SYMPK: variants seen among roughly 807,000 people sequenced by gnomAD.
SYMPK encodes the protein symplekin scaffold protein, also known as symplekin.
Under a neutral mutation model 136.4 loss-of-function variants are expected in SYMPK, and 49 were observed. The observed-to-expected ratio is 0.36, with a 90% CI of 0.29 to 0.46. The LOEUF is 0.46. Among genes scored for constraint, SYMPK ranks in the 20% least tolerant of loss-of-function variants. SYMPK has a pLI of 1.00. For missense variants in SYMPK, 1,365 were observed against 1,690.0 expected, an observed-to-expected ratio of 0.81 and a Z score of 3.37; for synonymous variants, 766 against 713.0, an observed-to-expected ratio of 1.07 and a Z score of -1.19.
Position 45,831,367 on chromosome 19 carries a change from C to G in SYMPK, c.1598+17G>C. The G allele has an allele frequency of 6.6e-7, 1 of 1,522,150 alleles. No homozygotes were observed. The highest frequency in any genetic ancestry group is 8.8e-7 in the Non-Finnish European group (1 of 1,131,906). 94.3% of individuals were successfully genotyped at this position (1,522,150 alleles called of 1,614,324 possible). On this transcript the variant is annotated intron_variant, in intron 12 of 26. Coordinates refer to ENST00000245934, the MANE Select transcript of SYMPK (RefSeq NM_004819.3). ...GTAGGGCTCCTGTCCTGCCCTAGCA[C>G]CCAGAAGAGGACTCACCGGGGCTGA...
chr19:45,847,489 C>T (rs895879654), intron 7 of SYMPK, among the ~76,000 whole-genome samples: 1 of 151,804 alleles, frequency 6.6e-6, no homozygotes, highest in Admixed American at 6.6e-5. Context: ...TGGAACTTCA[C>T]TACAAACCTG....
At chr19:45,817,552 C>T (rs1970782889) in intron 23 of SYMPK, among the ~76,000 whole-genome samples, 1 of 151,436 alleles carries the variant, frequency 6.6e-6, no homozygotes. Context: ...CTGTCTCGGC[C>T]TCCCAAAGAG....
At chr19:45,817,040 G>C in intron 23 of SYMPK, 66 bp from the exon 24 acceptor site, 2 of 1,486,776 alleles carry the variant, frequency 1.3e-6, no homozygotes, top group African/African-American at 2.8e-5. Context: ...CTTGACACTG[G>C]GAGAAAGACC....
rs537347014 is a variant in SYMPK, at chr19:45,835,239, C to A, written c.1243-11G>T. 6.4e-7 allele frequency: 1 copy of A among 1,561,492 alleles called. No homozygotes were observed. ...CATGCTGATGAGGACCTGTGGGATG[C>A]CCAGGAAGAGAGCCTCTCCTTAATC... On this transcript the variant is annotated splice_polypyrimidine_tract_variant and intron_variant, in intron 10 of 26. Transcript: ENST00000245934.
chr19:45,829,999 T>A, intron 13 of SYMPK, 55 bp downstream of exon 13: 1 of 1,505,530 alleles, frequency 6.6e-7, no homozygotes, highest in Non-Finnish European at 9.0e-7. Context: ...GGATGTGAGG[T>A]AGACGTTTGG....
At position 45,821,367 on chromosome 19, in the gene SYMPK, G is replaced by C. The variant is rs564564258; in HGVS notation, c.2893+17C>G. ...TCGCAGGGGCCAGGCCACTGGAGTG[G>C]GGGGGAAGCGCCTCACCTTTGATGA... On this transcript the variant is annotated intron_variant, in intron 22 of 26. Coordinates refer to ENST00000245934, the MANE Select transcript of SYMPK (RefSeq NM_004819.3). The surrounding 1 kb of genome is among the most constrained non-coding windows in gnomAD (Gnocchi z 4.4). 1.9e-5 allele frequency: 30 copies of C among 1,604,406 alleles called. No individual in the cohort carries two copies. Among genetic ancestry groups the C allele is most frequent in the East Asian group, 2.2e-5 (1 of 44,808 alleles).
Position 45,830,141 on chromosome 19 carries a change from G to A in SYMPK, c.1662C>T (p.Thr554=), listed in dbSNP as rs921286975. 1.4e-5 allele frequency: 22 copies of A among 1,604,312 alleles called. No homozygotes were observed. Among genetic ancestry groups the A allele is most frequent in the South Asian group, 2.2e-5 (2 of 89,298 alleles). The change falls in exon 13 of 27, where the codon ACC becomes ACT. Residue 554 remains threonine (T), a synonymous_variant. Transcript: ENST00000245934. ...GCTTCATGGCTTCCACCTGGGCATC[G>A]GTAAGGGGCTTCAGCACGTCGCTGA... ...FRLSDVLKPL[T]DAQVEAMKLG...
Position 45,830,222 on chromosome 19 carries a change from GAC to G in SYMPK, c.1599-20_1599-19del. 6.2e-7 allele frequency: 1 copy of G among 1,606,284 alleles called. No homozygotes were observed. Among genetic ancestry groups the G allele is most frequent in the Non-Finnish European group, 8.5e-7 (1 of 1,175,054 alleles). ...CTGCCAGCCTGTGTGGAAGAGCAGTGACAGAGATGCAGTGACCCAGACTGCAG... is the reference window on the plus strand; with the variant it reads ...CTGCCAGCCTGTGTGGAAGAGCAGTGAGAGATGCAGTGACCCAGACTGCAG... On this transcript the variant is annotated intron_variant, in intron 12 of 26. Coordinates refer to ENST00000245934, the MANE Select transcript of SYMPK (RefSeq NM_004819.3).
intron 7 of SYMPK, among the ~76,000 whole-genome samples, chr19:45,845,621 C>T (rs547669183): frequency 1.2e-4 from 19 of 152,188 alleles, no homozygotes; most frequent in African/African-American, 4.3e-4. Context: ...TAGTTTGCTC[C>T]GAAGTCTTGG....
At chr19:45,852,258 C>T in intron 5 of SYMPK, 54 bp downstream of exon 5, 1 of 1,602,866 alleles carries the variant, frequency 6.2e-7, no homozygotes, top group Non-Finnish European at 8.5e-7. Context: ...AGGCCACGAG[C>T]TGAAGGCTGC....
At chr19:45,823,146 G>C (rs1423458543) in intron 20 of SYMPK, among the ~76,000 whole-genome samples, 2 of 152,234 alleles carry the variant, frequency 1.3e-5, no homozygotes, top group African/African-American at 2.4e-5. Flanking sequence ...GGAAGCAGCA[G>C]AGCCATTGGC....
rs1250545178 is a variant in SYMPK at position 45,835,148 on chromosome 19, G to A, written c.1323C>T (p.Gly441=). The A allele has an allele frequency of 6.2e-7, 1 of 1,613,362 alleles. No homozygotes were observed. The highest frequency in any genetic ancestry group is 1.7e-5 in the Admixed American group (1 of 59,960). ...CCAGGTGCTTGATCTGGGCTTCCGT[G>A]CCTGCTGACTCCACGGGGGTGTAGA... ...QAIYTPVESA[G]TEAQIKHLAR... The change falls in exon 11 of 27, where the codon GGC becomes GGT. Residue 441 remains glycine (G), a synonymous_variant. Transcript: ENST00000245934.
chr19:45,827,456 C>G (rs964790318), intron 16 of SYMPK, 54 bp downstream of exon 16: 24 of 1,305,530 alleles, frequency 1.8e-5, no homozygotes, highest in Admixed American at 1.7e-5. Flanking sequence ...AGGATAGAGG[C>G]GGCCTCTGCA....
In SYMPK at chr19:45,835,271, T is replaced by C. The variant is rs76073458; in HGVS notation, c.1243-43A>G. 9.8e-3 allele frequency: 14,980 copies of C among 1,521,292 alleles called. 92 individuals carry two copies. Among genetic ancestry groups the C allele is most frequent in the Non-Finnish European group, 0.012 (13,214 of 1,130,972 alleles). The allele number at this position is 1,521,292 out of a possible 1,614,324, so 94.2% of individuals were successfully genotyped here. ...AGAGAGCCTCTCCTTAATCATTAAC[T>C]CAAGAAGCATTCTTTCCATGCCCAT... On this transcript the variant is annotated intron_variant, in intron 10 of 26. Coordinates refer to ENST00000245934, the MANE Select transcript of SYMPK (RefSeq NM_004819.3).
Position 45,854,375 on chromosome 19 carries a change from T to C in SYMPK, c.105+16A>G. Reference sequence around the variant, plus strand: ...GGCTATGCTTCCTCACTCCAAGCCCTACCCGCCACGCTCACCCTCTCTGAG... The same window carrying C: ...GGCTATGCTTCCTCACTCCAAGCCCCACCCGCCACGCTCACCCTCTCTGAG... On this transcript the variant is annotated intron_variant, in intron 2 of 26. Coordinates refer to ENST00000245934, the MANE Select transcript of SYMPK (RefSeq NM_004819.3). 2 of 1,613,066 alleles carry C rather than the reference T, an allele frequency of 1.2e-6. No homozygotes were observed. Among genetic ancestry groups the C allele is most frequent in the Non-Finnish European group, 1.7e-6 (2 of 1,179,154 alleles).
intron 16 of SYMPK, 46 bp from the exon 17 acceptor site, chr19:45,826,419 G>C (rs1971045172): frequency 1.3e-6 from 2 of 1,596,758 alleles, no homozygotes; most frequent in African/African-American, 2.7e-5. Context: ...AGAGGTAAGA[G>C]GAAGAACAGC....
intron 5 of SYMPK, 138 bp downstream of exon 5, chr19:45,852,174 G>T: frequency 1.2e-6 from 1 of 846,750 alleles, no homozygotes; most frequent in Non-Finnish European, 2.0e-6. Context: ...TATTTGCTGG[G>T]GAATCAGTGT....
intron 26 of SYMPK, 77 bp from the exon 27 acceptor site, chr19:45,815,774 T>A: frequency 6.3e-7 from 1 of 1,578,524 alleles, no homozygotes; most frequent in Non-Finnish European, 8.6e-7. Context: ...CCCTGCCCCC[T>A]GATGGCCCCT....
chr19:45,847,379 G>A (rs1250562256), intron 7 of SYMPK, among the ~76,000 whole-genome samples: 1 of 151,166 alleles, frequency 6.6e-6, no homozygotes, highest in African/African-American at 2.4e-5. Flanking sequence ...AGCTGAGATT[G>A]TGCCATTGCA....
Sources: allele counts gnomAD v4.1 joint callset (sites outside exome capture counted in the v4.1 genomes callset), GRCh38; gene constraint gnomAD v4.1.1; non-coding constraint Gnocchi (gnomAD v3.1); transcripts MANE v1.5; gene names NCBI Gene and HGNC (gene_info 2026-07-23, HGNC 2026-07-21).